Variants in CPLANE1 observed in about 807,000 individuals in gnomAD.
CPLANE1 encodes the protein ciliogenesis and planar polarity effector complex subunit 1.
In CPLANE1, 263 loss-of-function variants were observed where a neutral mutation model predicts 362.5. The ratio of observed to expected loss-of-function variants is 0.73; its 90% CI spans 0.66 to 0.80. The LOEUF (loss-of-function observed/expected upper bound fraction) is 0.80, where lower values mean the gene tolerates loss of function less well. CPLANE1 is among the 30% of genes least tolerant of loss of function. CPLANE1 has a pLI of 0.00. For missense variants in CPLANE1, 3,461 were observed against 3,793.4 expected (o/e 0.91, Z 2.30); for synonymous variants, 1,212 against 1,302.6 (o/e 0.93, Z 1.50).
chr5:37,227,503 C>T, intron 10 of CPLANE1, 65 bp downstream of exon 10: 2 of 1,486,868 alleles, frequency 1.3e-6, no homozygotes, highest in Non-Finnish European at 1.8e-6. Context: ...ACATTATTGT[C>T]AGTAAAGTTT....
chr5:37,227,742 C>G lies in CPLANE1; in HGVS notation c.1197G>C (p.Gln399His), dbSNP rs182286156. ...GTGAGTGTGCTTTTATAGAAAATCTCTGTCTCATAGGGTCACTATCAGAAG... is the reference window on the plus strand; with the variant it reads ...GTGAGTGTGCTTTTATAGAAAATCTGTGTCTCATAGGGTCACTATCAGAAG... ...SSASDSDPMR[Q>H]RFSIKAHSRL... Residue 399 changes from glutamine (Q) to histidine (H), a missense_variant, in exon 10 of 53, where the codon CAG (glutamine) becomes CAC (histidine). By Grantham distance (24) the Gln-to-His change is conservative. Transcript: ENST00000651892. 1 of 1,551,394 alleles carries G rather than the reference C, an allele frequency of 6.4e-7. No homozygotes were observed. Among genetic ancestry groups the G allele is most frequent in the Admixed American group, 2.0e-5 (1 of 50,992 alleles).
intron 12 of CPLANE1, 104 bp downstream of exon 12, chr5:37,226,200 T>G: frequency 3.8e-6 from 3 of 798,778 alleles, no homozygotes; most frequent in South Asian, 2.4e-5. Context: ...GAATAGTACA[T>G]TTTAAAATGA....
chr5:37,191,847 T>A (rs1219966785), intron 21 of CPLANE1, among the ~76,000 whole-genome samples: 1 of 152,208 alleles, frequency 6.6e-6, no homozygotes, highest in Non-Finnish European at 1.5e-5. Flanking sequence ...GGTTTTAATT[T>A]TTTTTTAAGT....
rs1009670111 is a variant in CPLANE1, at chr5:37,158,059, T to C, written c.7812+165A>G. The C allele has an allele frequency of 9.3e-6, 8 of 856,596 alleles. No individual in the cohort carries two copies. In the African/African-American group the frequency reaches 1.0e-4, roughly 11 times the overall value. The allele number at this position is 856,596 out of a possible 1,614,324, so 53.1% of individuals were successfully genotyped here. On this transcript the variant is annotated intron_variant, in intron 39 of 52. Transcript: ENST00000651892. ...AGTATGTATTATTGGTCTTAGTTTA[T>C]AATATTTTTGGCATAATGCTTAAAT...
chr5:37,112,917 C>T (rs1297363703), intron 51 of CPLANE1, among the ~76,000 whole-genome samples: 3 of 152,082 alleles, frequency 2.0e-5, no homozygotes, highest in Non-Finnish European at 4.4e-5. Context: ...CCTGGATCTC[C>T]GGGACTTTCA....
At chr5:37,248,812 G>GA (rs1740725374) in intron 1 of CPLANE1, among the ~76,000 whole-genome samples, 1 of 152,184 alleles carries the variant, frequency 6.6e-6, no homozygotes, top group African/African-American at 2.4e-5. Flanking sequence ...ATTATTGAGT[G>GA]AAAAAATACT....
chr5:37,132,841 C>A (rs988245778), intron 46 of CPLANE1, among the ~76,000 whole-genome samples: 1 of 152,148 alleles, frequency 6.6e-6, no homozygotes, highest in Non-Finnish European at 1.5e-5. Flanking sequence ...GTCATAAATT[C>A]TTTCCCAAGG....
At position 37,244,690 on chromosome 5, in the gene CPLANE1, A is replaced by G. The variant is rs1738906895; in HGVS notation, c.338-83T>C. 3 of 818,864 alleles carry G rather than the reference A, an allele frequency of 3.7e-6. No homozygotes were observed. In the South Asian group the frequency reaches 5.8e-5, roughly 16 times the overall value. 50.7% of individuals were successfully genotyped at this position (818,864 alleles called of 1,614,324 possible). A position where few individuals can be genotyped will look rare whatever the true frequency, so the allele number is the denominator to read the frequency against. ...AGTACATAATTTATGTATTCTTACA[A>G]TAAAAAAAAAACAAATAATGTTACC... On this transcript the variant is annotated intron_variant, in intron 4 of 52. Coordinates refer to ENST00000651892, the MANE Select transcript of CPLANE1 (RefSeq NM_001384732.1).
At chr5:37,167,266 A>G in intron 34 of CPLANE1, 53 bp from the exon 35 acceptor site, 1 of 1,399,224 alleles carries the variant, frequency 7.1e-7, no homozygotes, top group Non-Finnish European at 9.9e-7. Context: ...TCAATTATGT[A>G]ATATTTCAAC....
chr5:37,234,202 A>G (rs945952746), intron 8 of CPLANE1, among the ~76,000 whole-genome samples: 7 of 152,284 alleles, frequency 4.6e-5, no homozygotes, highest in African/African-American at 1.7e-4. Flanking sequence ...GACACCACCA[A>G]AGGACCACAA....
chr5:37,146,148 A>C (rs1367345243), intron 43 of CPLANE1, among the ~76,000 whole-genome samples: 1 of 152,110 alleles, frequency 6.6e-6, no homozygotes, highest in African/African-American at 2.4e-5. Context: ...CCACTTATAG[A>C]TCTTAGCTGG....
rs977870859 is a variant in CPLANE1 at position 37,244,471 on chromosome 5, C to T, written c.474G>A (p.Ala158=). 38 of 1,551,714 alleles carry T rather than the reference C, an allele frequency of 2.4e-5. No homozygotes were observed. The highest frequency in any genetic ancestry group is 3.0e-5 in the Non-Finnish European group (34 of 1,147,020). ...NILSSKSLSL[A]GRWSQVIPEE... is the part of the protein sequence containing the mutation. ...CAGGTATGACCTGGGACCACCGACC[C>T]GCCAATGAAAGGCTTTTAGAAGATA... The change falls in exon 5 of 53, where the codon GCG becomes GCA. Residue 158 remains alanine, a synonymous_variant. Coordinates refer to ENST00000651892, the MANE Select transcript of CPLANE1 (RefSeq NM_001384732.1).
intron 14 of CPLANE1, among the ~76,000 whole-genome samples, chr5:37,222,036 A>G (rs1266954740): frequency 6.6e-6 from 1 of 152,094 alleles, no homozygotes; most frequent in African/African-American, 2.4e-5. Flanking sequence ...TTACTGAAGC[A>G]GAAGAAACAG....
chr5:37,125,823 G>C (rs1763978251), intron 46 of CPLANE1, among the ~76,000 whole-genome samples: 1 of 152,138 alleles, frequency 6.6e-6, no homozygotes, highest in Admixed American at 6.5e-5. Flanking sequence ...TATTTATAGA[G>C]TACATGAGAT....
At chr5:37,140,186 T>A (rs1769238589) in intron 44 of CPLANE1, 1 of 870,072 alleles carries the variant, frequency 1.1e-6, no homozygotes, top group African/African-American at 1.8e-5. Flanking sequence ...ATATGTTTAA[T>A]TCTAAAAACA....
rs1292299095 is a variant in CPLANE1 at position 37,168,931 on chromosome 5, GC to G, written c.7092del (p.Pro2365HisfsTer26). Reference protein sequence around the residue: ...HHSFGLPLLYLPLKPPNMFPS... With the variant: ...HHSFGLPLLYXPLKPPNMFPS... ...GGAAACATATTAGGAGGTTTAAGTGGCAGGTATAGTAACGGAAGTCCAAAGG... is the reference window on the plus strand; with the variant it reads ...GGAAACATATTAGGAGGTTTAAGTGGAGGTATAGTAACGGAAGTCCAAAGG... On this transcript the variant is annotated frameshift_variant, in exon 34 of 53. Coordinates refer to ENST00000651892, the MANE Select transcript of CPLANE1 (RefSeq NM_001384732.1). LOFTEE classifies it high-confidence loss of function. 6.2e-7 allele frequency: 1 copy of G among 1,614,192 alleles called. No individual in the cohort carries two copies.
intron 47 of CPLANE1, among the ~76,000 whole-genome samples, chr5:37,123,749 C>A (rs1311231510): frequency 1.3e-5 from 2 of 152,126 alleles, no homozygotes; most frequent in Non-Finnish European, 2.9e-5. Context: ...TGGTCTTGAA[C>A]TCCTGGCCTC....
intron 16 of CPLANE1, among the ~76,000 whole-genome samples, chr5:37,208,825 T>A (rs564613183): frequency 8.5e-5 from 13 of 152,170 alleles, no homozygotes; most frequent in African/African-American, 1.9e-4. Context: ...ATTTGATATA[T>A]CTTGTTTATA....
chr5:37,087,462 C>T, the CPLANE1 span, among the ~76,000 whole-genome samples: 1 of 152,122 alleles, frequency 6.6e-6, no homozygotes, highest in Non-Finnish European at 1.5e-5. Context: ...CACACTCCAG[C>T]TGTTTGTTTT....
Sources: gnomAD v4.1 joint callset for allele counts (sites outside exome capture counted in the v4.1 genomes callset) on GRCh38, gnomAD v4.1.1 for gene constraint, MANE v1.5 for transcripts, NCBI Gene and HGNC (gene_info 2026-07-23, HGNC 2026-07-21) for gene names.